Variants in RNF180 observed in about 807,000 individuals in gnomAD.
The protein encoded by RNF180 is ring finger protein 180, also known as E3 ubiquitin-protein ligase RNF180.
A neutral mutation model predicts 59.2 loss-of-function variants in RNF180; 38 were observed. The ratio of observed to expected loss-of-function variants is 0.64; its 90% CI spans 0.50 to 0.84. RNF180 has a LOEUF of 0.84. RNF180 is among the 40% of genes least tolerant of loss of function. The probability of loss-of-function intolerance (pLI) is 0.00; values close to 1 mark genes in which losing one functional copy is unlikely to be tolerated. For synonymous variants in RNF180, 262 were observed against 240.3 expected (o/e 1.09, Z -0.84); for missense variants, 705 against 700.9 (o/e 1.01, Z -0.07).
intron 3 of RNF180, 64 bp downstream of exon 3, chr5:64,212,224 T>C (rs556762351): frequency 6.3e-6 from 6 of 953,176 alleles, no homozygotes; most frequent in African/African-American, 4.9e-5. Flanking sequence ...TTGTCCTCCT[T>C]TTAGAGCTAT....
chr5:64,180,872 A>G (rs1750534569), intron 1 of RNF180, among the ~76,000 whole-genome samples: 1 of 152,146 alleles, frequency 6.6e-6, no homozygotes, highest in African/African-American at 2.4e-5. Flanking sequence ...GCTACTAGGC[A>G]GAAGGGGAAT....
intron 7 of RNF180, among the ~76,000 whole-genome samples, chr5:64,367,629 A>T (rs1206825138): frequency 1.3e-5 from 2 of 151,662 alleles, no homozygotes; most frequent in Admixed American, 1.3e-4. Context: ...AAGAGATTTG[A>T]CTTTAAATGA....
chr5:64,272,468 T>C (rs2082488131), intron 5 of RNF180, among the ~76,000 whole-genome samples: 1 of 151,728 alleles, frequency 6.6e-6, no homozygotes, highest in African/African-American at 2.4e-5. Context: ...AGAGATGAAA[T>C]AGATGAGGTT....
At chr5:64,262,002 A>T (rs1744368856) in intron 5 of RNF180, among the ~76,000 whole-genome samples, 1 of 152,178 alleles carries the variant, frequency 6.6e-6, no homozygotes, top group African/African-American at 2.4e-5. Context: ...TACTGACTTC[A>T]TGGCCAGTAT....
chr5:64,319,339 C>T (rs1744225081), intron 5 of RNF180, among the ~76,000 whole-genome samples: 1 of 152,014 alleles, frequency 6.6e-6, no homozygotes. Context: ...ATAGAAGACA[C>T]CACTGGGAAA....
At position 64,217,083 on chromosome 5, in the gene RNF180, T is replaced by C. The variant is rs541794823; in HGVS notation, c.1192-278T>C. 1.3e-3 allele frequency among the ~76,000 whole-genome samples: 205 copies of C among 152,344 alleles called. 2 individuals are homozygous for C. Among genetic ancestry groups the C allele is most frequent in the Non-Finnish European group, 2.6e-3 (174 of 68,022 alleles). On this transcript the variant is annotated intron_variant, in intron 4 of 7. Transcript: ENST00000389100. Reference sequence around the variant, plus strand: ...TTTTGATAATGTTGTAAAATATTAATATACTGTTAAAATATAGAATCCTAT... The same window carrying C: ...TTTTGATAATGTTGTAAAATATTAACATACTGTTAAAATATAGAATCCTAT...
intron 5 of RNF180, among the ~76,000 whole-genome samples, chr5:64,316,456 T>C (rs1286972893): frequency 6.6e-6 from 1 of 152,236 alleles, no homozygotes; most frequent in African/African-American, 2.4e-5. Flanking sequence ...AGAGGCTTAA[T>C]TGCAGAGGAC....
At chr5:64,298,190 A>C (rs1408092892) in intron 5 of RNF180, among the ~76,000 whole-genome samples, 1 of 152,102 alleles carries the variant, frequency 6.6e-6, no homozygotes, top group Admixed American at 6.6e-5. Context: ...TGCAAAGGAC[A>C]TGATCTCATT....
intron 2 of RNF180, among the ~76,000 whole-genome samples, chr5:64,210,291 G>A (rs1257027800): frequency 2.6e-5 from 4 of 152,110 alleles, no homozygotes; most frequent in African/African-American, 4.8e-5. Flanking sequence ...CAGAGTTCAT[G>A]ATCTTGATGC....
intron 5 of RNF180, among the ~76,000 whole-genome samples, chr5:64,320,341 G>A (rs1744283366): frequency 6.6e-6 from 1 of 152,180 alleles, no homozygotes; most frequent in Admixed American, 6.5e-5. Flanking sequence ...GGAGGGAGAA[G>A]CAGAGTCTGG....
Position 64,212,139 on chromosome 5 carries a change from G to C in RNF180, c.210G>C (p.Trp70Cys). The C allele has an allele frequency of 6.3e-7, 1 of 1,595,374 alleles. No homozygotes were observed. Among genetic ancestry groups the C allele is most frequent in the Non-Finnish European group, 8.6e-7 (1 of 1,163,288 alleles). ...TGAATGTAGAAGCCCTTCCAGAATG[G>C]ATAAGCTGCCTAATCCAAAAAGTAA... is the stretch of plus-strand genomic sequence containing the variant. ...WHMNVEALPE[W>C]ISCLIQKAQW... Residue 70 changes from tryptophan to cysteine, a missense_variant, in exon 3 of 8, where the codon TGG becomes TGC. Trp to Cys is a radical substitution (Grantham distance 215, BLOSUM62 -2). Transcript: ENST00000389100.
chr5:64,369,661 C>T lies in RNF180; in HGVS notation c.1626C>T (p.His542=), dbSNP rs768293638. 3.1e-5 allele frequency: 47 copies of T among 1,537,380 alleles called. No homozygotes were observed. The South Asian group carries it at 4.2e-4, about 14-fold the overall frequency. The change falls in exon 8 of 8, where the codon CAC becomes CAT. Residue 542 remains histidine (H), a synonymous_variant. Coordinates refer to ENST00000389100, the MANE Select transcript of RNF180 (RefSeq NM_001113561.2). ...AAPVTRRQFP[H]GAHRMDYLHF... ...CAGTTACAAGAAGGCAGTTCCCACA[C>T]GGTGCACACAGGATGGATTACCTGC...
intron 5 of RNF180, among the ~76,000 whole-genome samples, chr5:64,275,053 A>G (rs958077588): frequency 2.6e-5 from 4 of 151,906 alleles, no homozygotes; most frequent in Non-Finnish European, 5.9e-5. Context: ...ATAAATGCAC[A>G]TTTGAAGCCA....
At chr5:64,314,214 A>G (rs1320573894) in intron 5 of RNF180, among the ~76,000 whole-genome samples, 1 of 151,972 alleles carries the variant, frequency 6.6e-6, no homozygotes, top group Non-Finnish European at 1.5e-5. Flanking sequence ...CAGATTTTGG[A>G]TTTTTGGATT....
intron 1 of RNF180, among the ~76,000 whole-genome samples, chr5:64,188,914 G>A (rs1203457283): frequency 6.6e-6 from 1 of 152,026 alleles, no homozygotes; most frequent in Non-Finnish European, 1.5e-5. Context: ...GACTATATTT[G>A]GACATGAGGT....
rs377654935 is a variant in RNF180, at chr5:64,319,479, A to T, written c.1228-5707A>T. 9.2e-5 allele frequency among the ~76,000 whole-genome samples: 14 copies of T among 152,206 alleles called. 1 individual carries two copies. The highest frequency in any genetic ancestry group is 5.2e-4 in the Admixed American group (8 of 15,284). ...TGAGAAAGAGAATATGATAAAGGCA[A>T]ATGTTAACAATTGATGAACCTAAGT... On this transcript the variant is annotated intron_variant, in intron 5 of 7. Coordinates refer to ENST00000389100, the MANE Select transcript of RNF180 (RefSeq NM_001113561.2).
At chr5:64,194,247 A>G (rs981267569) in intron 1 of RNF180, among the ~76,000 whole-genome samples, 1 of 152,058 alleles carries the variant, frequency 6.6e-6, no homozygotes, top group African/African-American at 2.4e-5. Context: ...GAGTGAGAAC[A>G]TGCAGTGTTT....
rs894220140 is a variant in RNF180 at position 64,217,611 on chromosome 5, T to C, written c.1227+215T>C. ...TGCTTTTCCTTAAGGATGCTGAACATATGTGCTTATTTTACATTTGTATAT... is the reference window on the plus strand; with the variant it reads ...TGCTTTTCCTTAAGGATGCTGAACACATGTGCTTATTTTACATTTGTATAT... On this transcript the variant is annotated intron_variant, in intron 5 of 7. Transcript: ENST00000389100. The C allele has an allele frequency of 1.9e-5, 12 of 644,454 alleles. No homozygotes were observed. In the African/African-American group the frequency reaches 2.3e-4, roughly 12 times the overall value. The allele number at this position is 644,454 out of a possible 1,614,324, so 39.9% of individuals were successfully genotyped here. A position where few individuals can be genotyped will look rare whatever the true frequency, so the allele number is the denominator to read the frequency against.
At chr5:64,367,485 T>C (rs1230535562) in intron 7 of RNF180, among the ~76,000 whole-genome samples, 2 of 151,710 alleles carry the variant, frequency 1.3e-5, no homozygotes, top group African/African-American at 4.8e-5. Context: ...CTATTTGAAA[T>C]GTAGCTCTAC....
Sources: gnomAD v4.1 joint callset for allele counts (sites outside exome capture counted in the v4.1 genomes callset) on GRCh38, gnomAD v4.1.1 for gene constraint, MANE v1.5 for transcripts, NCBI Gene and HGNC (gene_info 2026-07-23, HGNC 2026-07-21) for gene names.